The following EXOC6B variants were observed in gnomAD, a reference collection of about 807,000 sequenced individuals.
EXOC6B encodes the protein SEC15 homolog B.
EXOC6B carries 54 observed loss-of-function variants against 113.5 expected under a neutral mutation model. That is an observed-to-expected ratio of 0.48 (90% CI 0.38 to 0.60). The LOEUF (loss-of-function observed/expected upper bound fraction) is 0.60. Ranked by LOEUF, EXOC6B falls within the 20% of genes least tolerant of loss-of-function variation. The pLI, the probability that EXOC6B is intolerant of heterozygous loss-of-function variation, is 0.00. For missense variants in EXOC6B, 797 were observed against 977.5 expected (o/e 0.82, Z 2.46); for synonymous variants, 357 against 339.0 (o/e 1.05, Z -0.58).
intron 20 of EXOC6B, among the ~76,000 whole-genome samples, chr2:72,256,958 G>C (rs1683389513): frequency 6.6e-6 from 1 of 152,132 alleles, no homozygotes; most frequent in Non-Finnish European, 1.5e-5. Context: ...ATTTATTCCA[G>C]GTTCCAGGGG....
At chr2:72,513,108 A>G in intron 11 of EXOC6B, 24 bp downstream of exon 11, 1 of 1,611,322 alleles carries the variant, frequency 6.2e-7, no homozygotes, top group Non-Finnish European at 8.5e-7. Flanking sequence ...CTAAATAACA[A>G]CTTCCCTTGG....
intron 20 of EXOC6B, among the ~76,000 whole-genome samples, chr2:72,300,976 C>T (rs531750786): frequency 6.6e-6 from 1 of 152,280 alleles, no homozygotes; most frequent in African/African-American, 2.4e-5. Context: ...TCCTATTCGG[C>T]CATCTTGCCA....
chr2:72,811,578 T>C (rs916076244), intron 1 of EXOC6B, among the ~76,000 whole-genome samples: 16 of 152,220 alleles, frequency 1.1e-4, no homozygotes, highest in African/African-American at 3.9e-4. Flanking sequence ...AAGAAGTTAC[T>C]ATTACTCTAT....
chr2:72,217,553 T>C (rs76779032), intron 20 of EXOC6B, among the ~76,000 whole-genome samples: 3,029 of 152,212 alleles, frequency 0.02, 108 homozygotes, highest in African/African-American at 0.069. Flanking sequence ...AACTCCCCCA[T>C]TGGGGAGTTT....
intron 1 of EXOC6B, among the ~76,000 whole-genome samples, chr2:72,766,866 A>G (rs926288169): frequency 1.3e-5 from 2 of 151,290 alleles, no homozygotes; most frequent in South Asian, 4.2e-4. Context: ...AGGCACAAAA[A>G]TCGCTTGAAA....
In EXOC6B at chr2:72,232,834, G is replaced by A. The variant is rs887983982; in HGVS notation, c.2197-48647C>T. On this transcript the variant is annotated intron_variant, in intron 20 of 21. Coordinates refer to ENST00000272427, the MANE Select transcript of EXOC6B (RefSeq NM_015189.3). ...ATGCCTATAATCCTAGCCTTTGGCA[G>A]GCTGAGGCGGGTGGATCACCTGAGG... Among the ~76,000 whole-genome samples, 10 of 152,294 alleles carry A rather than the reference G, an allele frequency of 6.6e-5. No individual in the cohort carries two copies. The South Asian group carries it at 2.1e-3, about 32-fold the overall frequency.
chr2:72,416,880 T>G lies in EXOC6B; in HGVS notation c.1981-37010A>C, dbSNP rs564422657. 3.3e-5 allele frequency among the ~76,000 whole-genome samples: 5 copies of G among 152,220 alleles called. No homozygotes were observed. The South Asian group carries it at 1.0e-3, about 32-fold the overall frequency. On this transcript the variant is annotated intron_variant, in intron 18 of 21. Transcript: ENST00000272427. The stretch of plus-strand genomic sequence containing the variant: ...GACTCTTTTACAAAAAGCATCCTGC[T>G]TTTTGCAGGACCTTGACTGAATCCC...
chr2:72,192,643 G>C (rs998472736), intron 20 of EXOC6B, among the ~76,000 whole-genome samples: 22 of 152,248 alleles, frequency 1.4e-4, no homozygotes, highest in African/African-American at 5.3e-4. Flanking sequence ...AGGGTAGTAT[G>C]AGCTAAGGTA....
At chr2:72,401,566 CATATATATATATAT>C (rs1383620831) in intron 18 of EXOC6B, among the ~76,000 whole-genome samples, 156 of 14,876 alleles carry the variant, frequency 0.01, 41 homozygotes, top group African/African-American at 0.047. Context: ...TATATATATA[CATATATATATATAT>C]ACATATATAT....
intron 18 of EXOC6B, among the ~76,000 whole-genome samples, chr2:72,421,414 C>T (rs1694858854): frequency 6.6e-6 from 1 of 152,052 alleles, no homozygotes; most frequent in Non-Finnish European, 1.5e-5. Context: ...ATTGATCATT[C>T]CTTTTTGTCA....
Position 72,826,001 on chromosome 2 carries a change from G to A in EXOC6B, c.-91C>T, listed in dbSNP as rs539507020. The A allele has an allele frequency of 6.4e-4, 967 of 1,509,256 alleles. 5 individuals carry two copies. Among genetic ancestry groups the A allele is most frequent in the South Asian group, 4.7e-3 (375 of 80,318 alleles). 93.5% of individuals were successfully genotyped at this position (1,509,256 alleles called of 1,614,324 possible). A position where few individuals can be genotyped will look rare whatever the true frequency, so the allele number is the denominator to read the frequency against. On this transcript the variant is annotated 5_prime_UTR_variant, in exon 1 of 22. Transcript: ENST00000272427. ...TGCCGCTCCCACCACAGGCTCCACA[G>A]CCGCCCCAGCCTCTGGCTACCCGCA...
intron 6 of EXOC6B, among the ~76,000 whole-genome samples, chr2:72,602,399 C>T (rs924033700): frequency 2.0e-5 from 3 of 152,132 alleles, no homozygotes; most frequent in African/African-American, 4.8e-5. Flanking sequence ...ACATACTCCA[C>T]GTGAGAAAGA....
At chr2:72,562,345 A>C (rs1223266775) in intron 7 of EXOC6B, among the ~76,000 whole-genome samples, 1 of 152,146 alleles carries the variant, frequency 6.6e-6, no homozygotes. Flanking sequence ...CCCTACTCAC[A>C]GAAATGGGTT....
chr2:72,198,405 G>C (rs1453921972), intron 20 of EXOC6B, among the ~76,000 whole-genome samples: 1 of 152,168 alleles, frequency 6.6e-6, no homozygotes, highest in Non-Finnish European at 1.5e-5. Flanking sequence ...TTATAAGGCA[G>C]AGAAAAAGAA....
chr2:72,686,080 C>T (rs145675702), intron 6 of EXOC6B, among the ~76,000 whole-genome samples: 197 of 152,358 alleles, frequency 1.3e-3, no homozygotes, highest in Middle Eastern at 0.01. Context: ...GCATTTCCAT[C>T]AACAACTACA....
At chr2:72,208,783 A>G (rs1194184962) in intron 20 of EXOC6B, among the ~76,000 whole-genome samples, 3 of 152,154 alleles carry the variant, frequency 2.0e-5, no homozygotes, top group African/African-American at 7.2e-5. Context: ...GAAATCTTCC[A>G]ATGTCACTAA....
chr2:72,551,996 A>G (rs1028257636), intron 8 of EXOC6B, among the ~76,000 whole-genome samples: 1 of 152,154 alleles, frequency 6.6e-6, no homozygotes, highest in African/African-American at 2.4e-5. Context: ...TGTTTTTTTA[A>G]ACAAGGAAAC....
At chr2:72,690,239 C>A (rs1338577102) in intron 6 of EXOC6B, among the ~76,000 whole-genome samples, 1 of 152,198 alleles carries the variant, frequency 6.6e-6, no homozygotes, top group Non-Finnish European at 1.5e-5. Context: ...TTATAATTAA[C>A]AAATATCTCT....
At chr2:72,735,830 A>C (rs1165955392) in intron 2 of EXOC6B, among the ~76,000 whole-genome samples, 1 of 151,880 alleles carries the variant, frequency 6.6e-6, no homozygotes, top group African/African-American at 2.4e-5. Flanking sequence ...GCGAAACTCC[A>C]TCTCAAAAAA....
Sources: allele counts gnomAD v4.1 joint callset (sites outside exome capture counted in the v4.1 genomes callset), GRCh38; gene constraint gnomAD v4.1.1; transcripts MANE v1.5; gene names NCBI Gene and HGNC (gene_info 2026-07-23, HGNC 2026-07-21).